PIGU: variants seen among roughly 807,000 people sequenced by gnomAD.
The protein encoded by PIGU is GPI-anchor transamidase component PIGU.
PIGU carries 24 observed loss-of-function variants against 49.9 expected under a neutral mutation model. The ratio of observed to expected loss-of-function variants is 0.48; its 90% confidence interval spans 0.35 to 0.68. The LOEUF (loss-of-function observed/expected upper bound fraction) is 0.68. Ranked by LOEUF, PIGU falls within the 30% of genes least tolerant of loss-of-function variation. PIGU has a pLI of 0.01. For synonymous variants in PIGU, 220 were observed against 205.7 expected, an observed-to-expected ratio of 1.07 and a Z score of -0.59; for missense variants, 490 against 532.6, an observed-to-expected ratio of 0.92 and a Z score of 0.79.
chr20:34,645,476 C>G, intron 2 of PIGU, 142 bp from the exon 3 acceptor site: 2 of 1,200,798 alleles, frequency 1.7e-6, no homozygotes, highest in African/African-American at 1.6e-5. Flanking sequence ...TGTTCTACGC[C>G]AGCTGGCCGG....
chr20:34,648,123 C>T (rs1413112757), intron 2 of PIGU, among the ~76,000 whole-genome samples: 1 of 151,898 alleles, frequency 6.6e-6, no homozygotes, highest in Non-Finnish European at 1.5e-5. Context: ...AGGTAGCATG[C>T]ACCTGTAATC....
chr20:34,674,466 T>A (rs570999193), intron 1 of PIGU, among the ~76,000 whole-genome samples: 5 of 152,182 alleles, frequency 3.3e-5, no homozygotes, highest in African/African-American at 7.2e-5. Context: ...CACTGTCTCA[T>A]CTTTGGATCC....
chr20:34,573,622 A>G (rs1600589436), intron 11 of PIGU, among the ~76,000 whole-genome samples: 1 of 152,254 alleles, frequency 6.6e-6, no homozygotes, highest in Non-Finnish European at 1.5e-5. Context: ...CCCAATGCCC[A>G]CCCATGCCAG....
chr20:34,660,642 A>G (rs1230523699), intron 1 of PIGU, among the ~76,000 whole-genome samples: 1 of 152,244 alleles, frequency 6.6e-6, no homozygotes, highest in African/African-American at 2.4e-5. Context: ...GACATCAGGC[A>G]GACCCAAATG....
intron 7 of PIGU, among the ~76,000 whole-genome samples, chr20:34,594,386 G>A (rs1984112038): frequency 6.6e-6 from 1 of 152,040 alleles, no homozygotes; most frequent in Non-Finnish European, 1.5e-5. Context: ...TTCACACAAT[G>A]GCGTACTACA....
chr20:34,581,800 A>C (rs1983484544), intron 9 of PIGU, 128 bp from the exon 10 acceptor site: 1 of 1,249,816 alleles, frequency 8.0e-7, no homozygotes, highest in Non-Finnish European at 1.1e-6. Flanking sequence ...TGGCTCTGCT[A>C]TCCACAAGGC....
At chr20:34,574,997 T>C (rs1983163219) in intron 11 of PIGU, 107 bp downstream of exon 11, 2 of 1,448,066 alleles carry the variant, frequency 1.4e-6, no homozygotes, top group Admixed American at 1.9e-5. Context: ...CTGTGCCTCC[T>C]TCACGTCTGC....
At chr20:34,596,007 G>A (rs1448868958) in intron 7 of PIGU, among the ~76,000 whole-genome samples, 9 of 152,128 alleles carry the variant, frequency 5.9e-5, no homozygotes, top group African/African-American at 1.2e-4. Context: ...GAGCCCAGTC[G>A]GGCGATGGAG....
At chr20:34,634,572 TA>T in intron 6 of PIGU, 42 bp downstream of exon 6, 1 of 1,563,472 alleles carries the variant, frequency 6.4e-7, no homozygotes, top group Non-Finnish European at 8.7e-7. Context: ...AAATCTTGCA[TA>T]AATCAGGGAC....
chr20:34,661,593 C>T (rs959439839), intron 1 of PIGU, among the ~76,000 whole-genome samples: 1 of 150,814 alleles, frequency 6.6e-6, no homozygotes, highest in African/African-American at 2.4e-5. Flanking sequence ...TGTATATGTA[C>T]ATTTTCTTTA....
At chr20:34,634,058 A>AG (rs1985879520) in intron 6 of PIGU, among the ~76,000 whole-genome samples, 1 of 151,934 alleles carries the variant, frequency 6.6e-6, no homozygotes, top group Non-Finnish European at 1.5e-5. Context: ...TCTAATCATA[A>AG]GCCTTTTAGA....
At position 34,645,270 on chromosome 20, in the gene PIGU, C is replaced by T; in HGVS notation, c.255+5G>A. ...CATATCAATTTTATATGGAAGGTTACTTACCATAAACACCAATTCAGCATA... is the reference window on the plus strand; with the variant it reads ...CATATCAATTTTATATGGAAGGTTATTTACCATAAACACCAATTCAGCATA... On this transcript the variant is annotated splice_donor_5th_base_variant and intron_variant, in intron 3 of 11. Coordinates refer to ENST00000217446, the MANE Select transcript of PIGU (RefSeq NM_080476.5). The T allele has an allele frequency of 6.5e-7, 1 of 1,549,834 alleles. No individual in the cohort carries two copies. Among genetic ancestry groups the T allele is most frequent in the Non-Finnish European group, 8.7e-7 (1 of 1,154,470 alleles).
At chr20:34,598,736 A>G (rs183482202) in intron 7 of PIGU, among the ~76,000 whole-genome samples, 1 of 152,324 alleles carries the variant, frequency 6.6e-6, no homozygotes, top group Non-Finnish European at 1.5e-5. Flanking sequence ...ACATCAGGCA[A>G]CCAGAAATCC....
intron 1 of PIGU, among the ~76,000 whole-genome samples, chr20:34,658,644 G>A (rs1446229185): frequency 7.5e-5 from 10 of 133,624 alleles, no homozygotes; most frequent in African/African-American, 2.0e-4. Context: ...GCCCAGCCGC[G>A]ACCCCATCTG....
At chr20:34,607,483 G>C (rs556167755) in intron 7 of PIGU, among the ~76,000 whole-genome samples, 1 of 152,084 alleles carries the variant, frequency 6.6e-6, no homozygotes, top group Admixed American at 6.6e-5. Flanking sequence ...AGGAATGACC[G>C]AACTGAGGGG....
chr20:34,658,846 C>T (rs1204937735), intron 1 of PIGU, among the ~76,000 whole-genome samples: 1 of 151,874 alleles, frequency 6.6e-6, no homozygotes, highest in Admixed American at 6.5e-5. Context: ...GCAGCCACCC[C>T]GTCTGGGAAG....
intron 8 of PIGU, among the ~76,000 whole-genome samples, chr20:34,587,731 G>A (rs1055253729): frequency 7.9e-5 from 12 of 152,172 alleles, no homozygotes; most frequent in African/African-American, 2.7e-4. Flanking sequence ...ACATATAAGT[G>A]AGAACACATG....
chr20:34,582,152 C>T (rs1983503245), intron 9 of PIGU, among the ~76,000 whole-genome samples: 1 of 152,184 alleles, frequency 6.6e-6, no homozygotes. Context: ...GGTCTACAGA[C>T]CCATAGTGCG....
chr20:34,630,682 T>C (rs1281290042), intron 6 of PIGU, among the ~76,000 whole-genome samples: 1 of 152,160 alleles, frequency 6.6e-6, no homozygotes, highest in Non-Finnish European at 1.5e-5. Flanking sequence ...TACAGATGGC[T>C]GTCACCCAAG....
Sources: allele counts gnomAD v4.1 joint callset (sites outside exome capture counted in the v4.1 genomes callset), GRCh38; gene constraint gnomAD v4.1.1; transcripts MANE v1.5; gene names NCBI Gene and HGNC (gene_info 2026-07-23, HGNC 2026-07-21).